Variants in ADAM10 observed in about 807,000 individuals in gnomAD.
The protein encoded by ADAM10 is ADAM metallopeptidase domain 10.
ADAM10 carries 17 observed loss-of-function variants against 90.1 expected under a neutral mutation model. The ratio of observed to expected loss-of-function variants is 0.19; its 90% CI spans 0.13 to 0.28. The LOEUF (loss-of-function observed/expected upper bound fraction) is 0.28. ADAM10 is among the 10% of genes least tolerant of loss of function. ADAM10 has a pLI of 1.00. For missense variants in ADAM10, 610 were observed against 914.3 expected (o/e 0.67, Z 4.29); for synonymous variants, 310 against 298.6 (o/e 1.04, Z -0.40).
chr15:58,655,715 A>ATTT (rs1555414923), intron 5 of ADAM10, among the ~76,000 whole-genome samples: 1 of 65,180 alleles, frequency 1.5e-5, no homozygotes, highest in African/African-American at 6.7e-5. Flanking sequence ...TATATAGTAT[A>ATTT]TATATATATA....
intron 2 of ADAM10, among the ~76,000 whole-genome samples, chr15:58,710,319 A>G (rs1898435328): frequency 6.6e-6 from 1 of 152,206 alleles, no homozygotes; most frequent in African/African-American, 2.4e-5. Context: ...CTAAACTCAA[A>G]GCAATGATCA....
At chr15:58,739,512 G>A (rs986715030) in intron 1 of ADAM10, among the ~76,000 whole-genome samples, 6 of 151,606 alleles carry the variant, frequency 4.0e-5, no homozygotes, top group Admixed American at 6.6e-5. Context: ...GCGAGACTCC[G>A]TCTCAAAAAA....
At chr15:58,731,577 G>A (rs145163056) in intron 1 of ADAM10, among the ~76,000 whole-genome samples, 9 of 152,228 alleles carry the variant, frequency 5.9e-5, no homozygotes, top group South Asian at 4.1e-4. Flanking sequence ...GGGGTTAGCC[G>A]TATTCACACC....
intron 1 of ADAM10, among the ~76,000 whole-genome samples, chr15:58,733,665 T>A (rs143498875): frequency 2.8e-4 from 42 of 152,296 alleles, no homozygotes; most frequent in Non-Finnish European, 4.6e-4. Context: ...ATAACCTCTA[T>A]AGGGGATTCA....
At chr15:58,656,130 T>G (rs1896823421) in intron 5 of ADAM10, among the ~76,000 whole-genome samples, 1 of 152,192 alleles carries the variant, frequency 6.6e-6, no homozygotes, top group Admixed American at 6.5e-5. Context: ...GTATAGCTAC[T>G]CCTGCTCTTC....
intron 14 of ADAM10, among the ~76,000 whole-genome samples, chr15:58,601,848 G>C (rs1216366853): frequency 6.6e-6 from 1 of 152,078 alleles, no homozygotes; most frequent in African/African-American, 2.4e-5. Flanking sequence ...CTTCAATTTG[G>C]GTTCCTCTGG....
chr15:58,600,999 T>C (rs1304089076), intron 14 of ADAM10, among the ~76,000 whole-genome samples: 1 of 152,178 alleles, frequency 6.6e-6, no homozygotes, highest in Admixed American at 6.5e-5. Flanking sequence ...AATTTTAGCA[T>C]TAATGAGAGT....
At chr15:58,708,470 C>T (rs575378783) in intron 2 of ADAM10, among the ~76,000 whole-genome samples, 9 of 151,936 alleles carry the variant, frequency 5.9e-5, no homozygotes, top group African/African-American at 9.7e-5. Flanking sequence ...GAGACCGGCC[C>T]GGGCAACACA....
intron 5 of ADAM10, among the ~76,000 whole-genome samples, chr15:58,659,364 T>C (rs1394971314): frequency 1.3e-5 from 2 of 152,202 alleles, no homozygotes; most frequent in Non-Finnish European, 2.9e-5. Context: ...GTAGGTTTTT[T>C]ATAAAAAGCT....
At chr15:58,741,719 T>C (rs1033104534) in intron 1 of ADAM10, among the ~76,000 whole-genome samples, 1 of 152,206 alleles carries the variant, frequency 6.6e-6, no homozygotes, top group Non-Finnish European at 1.5e-5. Flanking sequence ...TTCTTCCATG[T>C]CATTTCTTGT....
Position 58,639,765 on chromosome 15 carries a change from G to C in ADAM10, c.1012+1012C>G, listed in dbSNP as rs181957485. 4.6e-5 allele frequency among the ~76,000 whole-genome samples: 7 copies of C among 151,840 alleles called. No homozygotes were observed. In the East Asian group the frequency reaches 5.8e-4, roughly 13 times the overall value. On this transcript the variant is annotated intron_variant, in intron 8 of 15. Transcript: ENST00000260408. ...ACTTAAGATACTGACTTTTAAAAAA[G>C]GAGAAAGAAATACAAAGGAAAATAC...
At chr15:58,647,987 TTTC>T (rs1270436582) in intron 5 of ADAM10, among the ~76,000 whole-genome samples, 1 of 152,198 alleles carries the variant, frequency 6.6e-6, no homozygotes, top group Admixed American at 6.5e-5. Context: ...TAAGTCACAA[TTTC>T]TTCTTCCTTG....
intron 11 of ADAM10, among the ~76,000 whole-genome samples, chr15:58,616,953 A>G (rs1895632364): frequency 6.6e-6 from 1 of 151,856 alleles, no homozygotes; most frequent in Non-Finnish European, 1.5e-5. Flanking sequence ...CTAAAAACAC[A>G]AAAAAATTAG....
At chr15:58,646,378 G>C (rs1442651838) in intron 5 of ADAM10, among the ~76,000 whole-genome samples, 174 bp from the exon 6 acceptor site, 1 of 151,978 alleles carries the variant, frequency 6.6e-6, no homozygotes, top group Non-Finnish European at 1.5e-5. Context: ...TCTCCATATA[G>C]ATTATTTACT....
chr15:58,628,915 A>G (rs1896024150), intron 9 of ADAM10, among the ~76,000 whole-genome samples: 1 of 152,212 alleles, frequency 6.6e-6, no homozygotes, highest in African/African-American at 2.4e-5. Flanking sequence ...TGTGTCCTCT[A>G]CTATCACCTT....
rs113109705 is a variant in ADAM10 at position 58,669,244 on chromosome 15, C to T, written c.485-4047G>A. ...GTACCAACTTCCCAAGTGTTAAGGT[C>T]TCCCGGCAATCATCCACAGTTTATT... On this transcript the variant is annotated intron_variant, in intron 4 of 15. Transcript: ENST00000260408. 3.5e-3 allele frequency among the ~76,000 whole-genome samples: 532 copies of T among 152,234 alleles called. 6 individuals are homozygous for T. The highest frequency in any genetic ancestry group is 0.012 in the African/African-American group (511 of 41,538).
intron 9 of ADAM10, among the ~76,000 whole-genome samples, chr15:58,630,854 T>A (rs1896081075): frequency 6.6e-6 from 1 of 152,202 alleles, no homozygotes; most frequent in Non-Finnish European, 1.5e-5. Context: ...ATTGTATAAT[T>A]TGGATGTCTG....
chr15:58,674,220 CAG>C (rs1313347692), intron 4 of ADAM10, among the ~76,000 whole-genome samples: 1 of 152,172 alleles, frequency 6.6e-6, no homozygotes, highest in Admixed American at 6.6e-5. Context: ...AAGGAAAAGA[CAG>C]AGTCAACAAT....
chr15:58,614,221 G>A (rs1189271567), intron 11 of ADAM10, among the ~76,000 whole-genome samples: 1 of 152,112 alleles, frequency 6.6e-6, no homozygotes, highest in East Asian at 1.9e-4. Context: ...GAAGGCAGAG[G>A]TTGCAGTGAG....
Sources: gnomAD v4.1 joint callset for allele counts (sites outside exome capture counted in the v4.1 genomes callset) on GRCh38, gnomAD v4.1.1 for gene constraint, MANE v1.5 for transcripts, NCBI Gene and HGNC (gene_info 2026-07-23, HGNC 2026-07-21) for gene names.